Variants in CDKAL1 observed in about 807,000 individuals in gnomAD.
The protein encoded by CDKAL1 is CDKAL1 threonylcarbamoyladenosine tRNA methylthiotransferase.
In CDKAL1, 32 loss-of-function variants were observed where a neutral mutation model predicts 68.2. The observed-to-expected ratio is 0.47, with a 90% confidence interval of 0.35 to 0.63. The LOEUF (loss-of-function observed/expected upper bound fraction) is 0.63. Ranked by LOEUF, CDKAL1 falls within the 30% of genes least tolerant of loss-of-function variation. The probability of loss-of-function intolerance (pLI) is 0.00; values close to 1 mark genes in which losing one functional copy is unlikely to be tolerated. For missense variants in CDKAL1, 606 were observed against 696.7 expected (o/e 0.87, Z 1.47); for synonymous variants, 234 against 244.3 (o/e 0.96, Z 0.39).
At chr6:20,588,746 G>A (rs1437967231) in intron 4 of CDKAL1, among the ~76,000 whole-genome samples, 2 of 152,048 alleles carry the variant, frequency 1.3e-5, no homozygotes, top group Non-Finnish European at 2.9e-5. Context: ...GTAAGTTAAT[G>A]AGCTAGAGAC....
chr6:20,619,948 A>G (rs1767100806), intron 4 of CDKAL1, among the ~76,000 whole-genome samples: 2 of 152,220 alleles, frequency 1.3e-5, no homozygotes, highest in South Asian at 2.1e-4. Flanking sequence ...TTTTGTGGAA[A>G]GCTAACTCAC....
intron 15 of CDKAL1, among the ~76,000 whole-genome samples, chr6:21,224,974 A>G (rs1161058805): frequency 6.6e-6 from 1 of 152,202 alleles, no homozygotes; most frequent in African/African-American, 2.4e-5. Context: ...AAATGTGAAT[A>G]TATGGTAGTA....
At position 20,996,322 on chromosome 6, in the gene CDKAL1, A is replaced by C. The variant is rs114970470; in HGVS notation, c.910-3905A>C. ...TTCCTTTGCATTCATAATTTGGCTG[A>C]CTGGTGCAAGAGGCCTAGCTTTTAA... On this transcript the variant is annotated intron_variant, in intron 10 of 15. Coordinates refer to ENST00000274695, the MANE Select transcript of CDKAL1 (RefSeq NM_017774.3). Among the ~76,000 whole-genome samples, 1,065 of 152,336 alleles carry C rather than the reference A, an allele frequency of 7.0e-3. 17 individuals carry two copies. Among genetic ancestry groups the C allele is most frequent in the African/African-American group, 0.024 (989 of 41,554 alleles).
intron 15 of CDKAL1, among the ~76,000 whole-genome samples, chr6:21,215,764 C>T (rs1562123827): frequency 6.6e-6 from 1 of 152,184 alleles, no homozygotes; most frequent in Admixed American, 6.6e-5. Context: ...TCAACAGTAT[C>T]ACCCTGGGGA....
intron 5 of CDKAL1, among the ~76,000 whole-genome samples, chr6:20,664,646 A>T (rs958822581): frequency 6.6e-6 from 1 of 152,188 alleles, no homozygotes; most frequent in African/African-American, 2.4e-5. Flanking sequence ...TTTTAATTTG[A>T]TAACAAAGGA....
intron 6 of CDKAL1, chr6:20,755,985 T>C (rs1198902085): frequency 6.6e-6 from 1 of 152,214 alleles, no homozygotes; most frequent in Non-Finnish European, 1.5e-5. Flanking sequence ...GGGAATTTGC[T>C]TAGATTCTCC....
At chr6:21,096,568 T>C (rs1406013526) in intron 12 of CDKAL1, among the ~76,000 whole-genome samples, 2 of 152,240 alleles carry the variant, frequency 1.3e-5, no homozygotes, top group Admixed American at 1.3e-4. Context: ...TTTTATCCAG[T>C]TGCACAGTGT....
chr6:20,924,750 A>T (rs1763109308), intron 9 of CDKAL1, among the ~76,000 whole-genome samples: 1 of 152,238 alleles, frequency 6.6e-6, no homozygotes, highest in Non-Finnish European at 1.5e-5. Flanking sequence ...ATAAAAGTGC[A>T]GGGTGAAGCA....
At chr6:20,586,209 G>A (rs1765349073) in intron 4 of CDKAL1, among the ~76,000 whole-genome samples, 1 of 152,150 alleles carries the variant, frequency 6.6e-6, no homozygotes, top group Admixed American at 6.5e-5. Context: ...ATAGTTACCT[G>A]TTTTATCTCC....
At chr6:20,962,720 A>G (rs923514147) in intron 10 of CDKAL1, among the ~76,000 whole-genome samples, 11 of 152,202 alleles carry the variant, frequency 7.2e-5, no homozygotes, top group African/African-American at 2.7e-4. Context: ...ATGTAAATAT[A>G]TTCTCTACTG....
At chr6:20,669,097 T>A (rs956590526) in intron 5 of CDKAL1, among the ~76,000 whole-genome samples, 10 of 152,318 alleles carry the variant, frequency 6.6e-5, no homozygotes, top group Admixed American at 6.5e-4. Flanking sequence ...AGCTGTCAGT[T>A]TTCTCCACTG....
chr6:20,745,982 G>A lies in CDKAL1; in HGVS notation c.468+6367G>A, dbSNP rs1773649235. 2.6e-5 allele frequency among the ~76,000 whole-genome samples: 4 copies of A among 152,112 alleles called. No individual in the cohort carries two copies. In the South Asian group the frequency reaches 8.3e-4, roughly 32 times the overall value. ...TTGCAACATGTTCTGTTATTTAATA[G>A]GAGTATTCTGATGTCCCAAACACTG... On this transcript the variant is annotated intron_variant, in intron 6 of 15. Transcript: ENST00000274695.
chr6:21,120,570 C>G (rs143510647), intron 13 of CDKAL1, among the ~76,000 whole-genome samples: 1 of 152,218 alleles, frequency 6.6e-6, no homozygotes, highest in Non-Finnish European at 1.5e-5. Flanking sequence ...TCTCCAGAGG[C>G]AACCACTGTT....
chr6:20,549,968 C>G (rs1763752670), intron 4 of CDKAL1, among the ~76,000 whole-genome samples: 1 of 151,260 alleles, frequency 6.6e-6, no homozygotes, highest in Admixed American at 6.6e-5. Flanking sequence ...TCTTCTCCAT[C>G]TTAATTAATT....
chr6:20,738,726 TG>T (rs1408215868), intron 5 of CDKAL1, among the ~76,000 whole-genome samples: 3 of 152,172 alleles, frequency 2.0e-5, no homozygotes, highest in Non-Finnish European at 1.5e-5. Flanking sequence ...TTCAAACTCC[TG>T]GGCTCAAGTG....
Position 20,903,906 on chromosome 6 carries a change from T to C in CDKAL1, c.743-51513T>C, listed in dbSNP as rs1163032014. On this transcript the variant is annotated intron_variant, in intron 9 of 15. Coordinates refer to ENST00000274695, the MANE Select transcript of CDKAL1 (RefSeq NM_017774.3). ...ACAGAACCTGTTTGATGTAACTGTT[T>C]TGGAACTCTGAATCTACTAAAGGTG... 4.6e-5 allele frequency among the ~76,000 whole-genome samples: 7 copies of C among 152,180 alleles called. No homozygotes were observed. In the South Asian group the frequency reaches 1.5e-3, roughly 32 times the overall value.
At chr6:21,204,028 A>G (rs1036416019) in intron 15 of CDKAL1, among the ~76,000 whole-genome samples, 1 of 152,196 alleles carries the variant, frequency 6.6e-6, no homozygotes, top group Non-Finnish European at 1.5e-5. Flanking sequence ...TAAGAACATC[A>G]ATATTTTTAT....
At chr6:20,812,140 T>C (rs1308411184) in intron 8 of CDKAL1, among the ~76,000 whole-genome samples, 1 of 152,242 alleles carries the variant, frequency 6.6e-6, no homozygotes, top group Non-Finnish European at 1.5e-5. Context: ...GTTACCCTGC[T>C]TTATAGTTTC....
intron 8 of CDKAL1, among the ~76,000 whole-genome samples, chr6:20,809,607 G>A (rs1776712657): frequency 6.6e-6 from 1 of 152,068 alleles, no homozygotes; most frequent in African/African-American, 2.4e-5. Context: ...GTTCTCATAT[G>A]CTTTCCCCAG....
Sources: allele counts gnomAD v4.1 joint callset (sites outside exome capture counted in the v4.1 genomes callset), GRCh38; gene constraint gnomAD v4.1.1; transcripts MANE v1.5; gene names NCBI Gene and HGNC (gene_info 2026-07-23, HGNC 2026-07-21).